VPS13B: variants seen among roughly 807,000 people sequenced by gnomAD.
The protein encoded by VPS13B is intermembrane lipid transfer protein VPS13B.
In VPS13B, 285 loss-of-function variants were observed where a neutral mutation model predicts 426.4. The ratio of observed to expected loss-of-function variants is 0.67; its 90% confidence interval spans 0.61 to 0.74. The LOEUF (loss-of-function observed/expected upper bound fraction) is 0.74, where lower values mean the gene tolerates loss of function less well. Ranked by LOEUF, VPS13B falls within the 30% of genes least tolerant of loss-of-function variation. The pLI is 0.00. For synonymous variants in VPS13B, 1,676 were observed against 1,676.4 expected (o/e 1.00, Z 0.01); for missense variants, 4,537 against 4,782.6 (o/e 0.95, Z 1.51).
At chr8:99,510,969 A>G in intron 28 of VPS13B, 135 bp from the exon 29 acceptor site, 2 of 903,180 alleles carry the variant, frequency 2.2e-6, no homozygotes, top group Non-Finnish European at 1.7e-6. Flanking sequence ...AGAATTGATC[A>G]GTCATGTGTT....
chr8:99,276,774 T>C (rs919073258), intron 19 of VPS13B, among the ~76,000 whole-genome samples: 1 of 152,138 alleles, frequency 6.6e-6, no homozygotes, highest in Non-Finnish European at 1.5e-5. Context: ...GAATTACCCA[T>C]ATAGTAATTT....
intron 3 of VPS13B, among the ~76,000 whole-genome samples, chr8:99,042,946 GT>G (rs1199206923): frequency 6.6e-6 from 1 of 152,140 alleles, no homozygotes; most frequent in African/African-American, 2.4e-5. Context: ...CTGTGTCAGT[GT>G]AATTAGACTT....
intron 58 of VPS13B, among the ~76,000 whole-genome samples, chr8:99,862,641 A>T (rs1816896772): frequency 6.6e-6 from 1 of 152,212 alleles, no homozygotes; most frequent in African/African-American, 2.4e-5. Flanking sequence ...ATTGCTTGGC[A>T]ATGTGCCTTC....
intron 30 of VPS13B, among the ~76,000 whole-genome samples, chr8:99,522,575 C>CT (rs201932891): frequency 1.4e-3 from 204 of 150,990 alleles, no homozygotes; most frequent in Non-Finnish European, 9.3e-4. Flanking sequence ...TCCTTTTATT[C>CT]TTTTTTTTTG....
chr8:99,775,928 G>A (rs1234994699), intron 40 of VPS13B, among the ~76,000 whole-genome samples: 1 of 152,034 alleles, frequency 6.6e-6, no homozygotes, highest in Non-Finnish European at 1.5e-5. Context: ...GATTTAACTT[G>A]TATAAAATAG....
At chr8:99,505,543 C>A (rs911744262) in intron 27 of VPS13B, among the ~76,000 whole-genome samples, 2 of 152,072 alleles carry the variant, frequency 1.3e-5, no homozygotes, top group South Asian at 4.2e-4. Context: ...AGAAAACACA[C>A]AGCAATGATC....
At chr8:99,419,217 CTCCCTA>C (rs1816244310) in intron 21 of VPS13B, among the ~76,000 whole-genome samples, 1 of 152,180 alleles carries the variant, frequency 6.6e-6, no homozygotes, top group Admixed American at 6.5e-5. Context: ...CACTTCCTCA[CTCCCTA>C]TCTCTTTCCT....
At chr8:99,613,489 G>A (rs1827927002) in intron 33 of VPS13B, among the ~76,000 whole-genome samples, 1 of 152,226 alleles carries the variant, frequency 6.6e-6, no homozygotes, top group Non-Finnish European at 1.5e-5. Context: ...GGCAAGAGCA[G>A]CGACTATACT....
At chr8:99,735,983 T>C (rs920322242) in intron 39 of VPS13B, among the ~76,000 whole-genome samples, 2 of 152,200 alleles carry the variant, frequency 1.3e-5, no homozygotes, top group African/African-American at 4.8e-5. Context: ...TGGGTCGCAG[T>C]GGGCTTAATT....
At chr8:99,110,103 T>C (rs1471960673) in intron 5 of VPS13B, among the ~76,000 whole-genome samples, 2 of 152,188 alleles carry the variant, frequency 1.3e-5, no homozygotes, top group Non-Finnish European at 2.9e-5. Flanking sequence ...CTTTGAAATT[T>C]ATCTGCAAAT....
intron 36 of VPS13B, among the ~76,000 whole-genome samples, chr8:99,703,732 C>T (rs900013115): frequency 3.9e-5 from 6 of 152,022 alleles, no homozygotes; most frequent in East Asian, 1.9e-4. Flanking sequence ...CTATAAATTG[C>T]GAACTTGCAG....
intron 31 of VPS13B, among the ~76,000 whole-genome samples, chr8:99,559,187 G>C (rs539895741): frequency 2.0e-5 from 3 of 152,290 alleles, no homozygotes; most frequent in Non-Finnish European, 2.9e-5. Flanking sequence ...TGTGTCTGTT[G>C]GCTGCATAAA....
chr8:99,328,893 G>A (rs866660509), intron 19 of VPS13B, among the ~76,000 whole-genome samples: 2 of 152,094 alleles, frequency 1.3e-5, no homozygotes, highest in Middle Eastern at 3.4e-3. Flanking sequence ...TCTACTTTAC[G>A]TCTCTTAGAT....
At chr8:99,290,873 T>G (rs1307534623) in intron 19 of VPS13B, among the ~76,000 whole-genome samples, 1 of 152,036 alleles carries the variant, frequency 6.6e-6, no homozygotes, top group Non-Finnish European at 1.5e-5. Flanking sequence ...TTTGAAGATT[T>G]GAATGGGATG....
chr8:99,088,248 A>G (rs1380274703), intron 3 of VPS13B, among the ~76,000 whole-genome samples: 1 of 151,970 alleles, frequency 6.6e-6, no homozygotes, highest in Non-Finnish European at 1.5e-5. Context: ...TAAAAAAAAA[A>G]TCAATTGGTA....
At chr8:99,194,618 A>AAT (rs1214279517) in intron 17 of VPS13B, among the ~76,000 whole-genome samples, 1 of 152,220 alleles carries the variant, frequency 6.6e-6, no homozygotes, top group Non-Finnish European at 1.5e-5. Flanking sequence ...TTTAAGGCAG[A>AAT]ATAGTAATCT....
At chr8:99,064,360 A>G (rs907924936) in intron 3 of VPS13B, among the ~76,000 whole-genome samples, 28 of 152,212 alleles carry the variant, frequency 1.8e-4, no homozygotes, top group Non-Finnish European at 3.5e-4. Context: ...AAAACCTTGA[A>G]AAAAGATTAG....
intron 24 of VPS13B, among the ~76,000 whole-genome samples, chr8:99,468,200 A>G (rs1440070307): frequency 6.6e-6 from 1 of 152,126 alleles, no homozygotes; most frequent in South Asian, 2.1e-4. Context: ...CCTGTGTCCA[A>G]GTGTTCTCAT....
Position 99,861,770 on chromosome 8 carries a change from C to T in VPS13B, c.11045-6C>T, listed in dbSNP as rs1250558576. 3 of 1,591,026 alleles carry T rather than the reference C, an allele frequency of 1.9e-6. No individual in the cohort carries two copies. In the Admixed American group the frequency reaches 5.3e-5, roughly 28 times the overall value. On this transcript the variant is annotated splice_region_variant and splice_polypyrimidine_tract_variant and intron_variant, in intron 57 of 61. Coordinates refer to ENST00000357162, the MANE Select transcript of VPS13B (RefSeq NM_152564.5). ...GGAGGCTAACCCCATGCTCTTGTTCCCTCAGGTACCCTCACATCCATCACC... is the reference window on the plus strand; with the variant it reads ...GGAGGCTAACCCCATGCTCTTGTTCTCTCAGGTACCCTCACATCCATCACC...
Sources: allele counts gnomAD v4.1 joint callset (sites outside exome capture counted in the v4.1 genomes callset), GRCh38; gene constraint gnomAD v4.1.1; transcripts MANE v1.5; gene names NCBI Gene and HGNC (gene_info 2026-07-23, HGNC 2026-07-21).